The following GIMAP6 variants were observed in gnomAD, a reference collection of about 807,000 sequenced individuals.
The protein encoded by GIMAP6 is GTPase, IMAP family member 6, also known as GTPase IMAP family member 6.
In GIMAP6, 6 loss-of-function variants were observed where a neutral mutation model predicts 9.3. The ratio of observed to expected loss-of-function variants is 0.65; its 90% CI spans 0.35 to 1.27. The LOEUF is 1.27. GIMAP6 is among the 50% of genes most tolerant of loss of function. The probability of loss-of-function intolerance (pLI) is 0.03; values close to 1 mark genes in which losing one functional copy is unlikely to be tolerated. For missense variants in GIMAP6, 333 were observed against 359.5 expected (o/e 0.93, Z 0.60); for synonymous variants, 156 against 151.1 (o/e 1.03, Z -0.24).
intron 1 of GIMAP6, among the ~76,000 whole-genome samples, chr7:150,631,574 C>G (rs1796392268): frequency 6.6e-6 from 1 of 152,192 alleles, no homozygotes; most frequent in African/African-American, 2.4e-5. Flanking sequence ...GAAACAACAG[C>G]CGGGTGGGAC....
rs11974345 is a variant in GIMAP6 at position 150,628,089 on chromosome 7, C to T, written c.509G>A (p.Gly170Asp). ...LVFTRKEDLAGGSLEDYVRET... is the reference protein window; with the variant it reads ...LVFTRKEDLADGSLEDYVRET... ...TCGCACATAGTCTTCCAGGGAGCCG[C>T]CAGCCAGGTCTTCCTTCCGGGTGAA... Residue 170 changes from glycine (G) to aspartate (D), a missense_variant, in exon 3 of 3, where the codon GGC becomes GAC. By Grantham distance (94) the Gly-to-Asp change is moderately conservative (BLOSUM62 -1). Coordinates refer to ENST00000328902, the MANE Select transcript of GIMAP6 (RefSeq NM_024711.6). 5.8e-3 allele frequency: 9,410 copies of T among 1,614,160 alleles called. 505 individuals are homozygous for T. The African/African-American group carries it at 0.11, about 19-fold the overall frequency.
chr7:150,628,554 C>T (rs748872807), intron 2 of GIMAP6, 42 bp from the exon 3 acceptor site: 2 of 1,604,496 alleles, frequency 1.2e-6, no homozygotes, highest in African/African-American at 1.3e-5. Flanking sequence ...GGGGTAAGGG[C>T]CCATGTACCC....
rs1585183956 is a variant in GIMAP6, at chr7:150,630,290, A to G, written c.1-148T>C. On this transcript the variant is annotated intron_variant, in intron 1 of 2. Transcript: ENST00000328902. Reference sequence around the variant, plus strand: ...GGGGTGGGACTGAGTGAGGCAATGGAAGAAGGGGTCTAAGACACTCTCTGC... The same window carrying G: ...GGGGTGGGACTGAGTGAGGCAATGGGAGAAGGGGTCTAAGACACTCTCTGC... 3.5e-6 allele frequency: 2 copies of G among 573,472 alleles called. 1 individual carries two copies. Among genetic ancestry groups the G allele is most frequent in the East Asian group, 6.5e-5 (2 of 30,830 alleles). 35.5% of individuals were successfully genotyped at this position (573,472 alleles called of 1,614,324 possible). A position where few individuals can be genotyped will look rare whatever the true frequency, so the allele number is the denominator to read the frequency against.
chr7:150,629,148 C>G (rs1042364432), intron 2 of GIMAP6, among the ~76,000 whole-genome samples: 4 of 152,242 alleles, frequency 2.6e-5, no homozygotes, highest in African/African-American at 9.6e-5. Flanking sequence ...CCCCACCCAC[C>G]TAGCCCAGTG....
chr7:150,631,177 T>C (rs1443419872), intron 1 of GIMAP6, among the ~76,000 whole-genome samples: 2 of 152,194 alleles, frequency 1.3e-5, no homozygotes, highest in Non-Finnish European at 2.9e-5. Context: ...ATTGCCACAT[T>C]GTTAGATGTT....
At chr7:150,628,956 T>C (rs1243875812) in intron 2 of GIMAP6, among the ~76,000 whole-genome samples, 2 of 152,236 alleles carry the variant, frequency 1.3e-5, no homozygotes, top group South Asian at 2.1e-4. Context: ...TGTGGCAGCA[T>C]GGGCGTGGCC....
chr7:150,631,110 G>A (rs1796385041), intron 1 of GIMAP6, among the ~76,000 whole-genome samples: 1 of 152,210 alleles, frequency 6.6e-6, no homozygotes. Flanking sequence ...TCCAGATGAA[G>A]GGTCTGGGGT....
chr7:150,628,222 C>T lies in GIMAP6; in HGVS notation c.376G>A (p.Val126Met), dbSNP rs138521615. 1,666 of 1,613,984 alleles carry T rather than the reference C, an allele frequency of 1.0e-3. 3 individuals are homozygous for T. The highest frequency in any genetic ancestry group is 1.3e-3 in the Non-Finnish European group (1,567 of 1,179,986). The change falls in exon 3 of 3, where the codon GTG becomes ATG. Residue 126 changes from valine (V) to methionine (M), a missense_variant. Val to Met is a conservative substitution (Grantham distance 21). Coordinates refer to ENST00000328902, the MANE Select transcript of GIMAP6 (RefSeq NM_024711.6). ...IVLSAPGPHA[V>M]LLVTQLGRFT... is the part of the protein sequence containing the mutation. ...CGGCCCAGTTGTGTCACCAGGAGCACGGCGTGGGGCCCTGGGGCGGATAAG... is the reference window on the plus strand; with the variant it reads ...CGGCCCAGTTGTGTCACCAGGAGCATGGCGTGGGGCCCTGGGGCGGATAAG...
rs1386588539 is a variant in GIMAP6 at position 150,627,344 on chromosome 7, A to G, written c.*375T>C. 2 of 297,888 alleles carry G rather than the reference A, an allele frequency of 6.7e-6. No individual in the cohort carries two copies. Among genetic ancestry groups the G allele is most frequent in the Non-Finnish European group, 1.3e-5 (2 of 154,708 alleles). The allele number at this position is 297,888 out of a possible 1,614,324, so 18.5% of individuals were successfully genotyped here. A position where few individuals can be genotyped will look rare whatever the true frequency, so the allele number is the denominator to read the frequency against. On this transcript the variant is annotated 3_prime_UTR_variant, in exon 3 of 3. Transcript: ENST00000328902. ...CACCAAACGTGACTGCATGACTCCAATGCAGTCAAAAGCTGTGGAAGTTAC... is the reference window on the plus strand; with the variant it reads ...CACCAAACGTGACTGCATGACTCCAGTGCAGTCAAAAGCTGTGGAAGTTAC...
chr7:150,627,626 G>A lies in GIMAP6; in HGVS notation c.*93C>T, dbSNP rs569310195. On this transcript the variant is annotated 3_prime_UTR_variant, in exon 3 of 3. Coordinates refer to ENST00000328902, the MANE Select transcript of GIMAP6 (RefSeq NM_024711.6). Reference sequence around the variant, plus strand: ...ACCAGACGTCATGACCTGGAGACTGGGAAGCACTCCATGGGATGGAAAGAG... The same window carrying A: ...ACCAGACGTCATGACCTGGAGACTGAGAAGCACTCCATGGGATGGAAAGAG... The A allele has an allele frequency of 1.0e-3, 1,546 of 1,509,010 alleles. 1 individual carries two copies. Among genetic ancestry groups the A allele is most frequent in the Non-Finnish European group, 1.4e-3 (1,475 of 1,088,950 alleles). The allele number at this position is 1,509,010 out of a possible 1,614,324, so 93.5% of individuals were successfully genotyped here. A position where few individuals can be genotyped will look rare whatever the true frequency, so the allele number is the denominator to read the frequency against.
In GIMAP6 at chr7:150,628,347, C is replaced by G. The variant is rs376322381; in HGVS notation, c.251G>C (p.Arg84Pro). The G allele has an allele frequency of 3.7e-6, 6 of 1,613,918 alleles. No homozygotes were observed. The Admixed American group carries it at 5.0e-5, about 13-fold the overall frequency. ...CTCAAGCTCCTTCCCAGCCCACTCT[C>G]GGCTCCGTCTCTGGGAGGTCTTGGT... The part of the protein sequence containing the change: ...PVTKTSQRRS[R>P]EWAGKELEVI... Residue 84 changes from arginine (R) to proline (P), a missense_variant, in exon 3 of 3, where the codon CGA becomes CCA. Arg to Pro is a moderately radical substitution (Grantham distance 103). Transcript: ENST00000328902.
intron 2 of GIMAP6, chr7:150,628,838 TC>T: frequency 1.0e-6 from 1 of 1,001,284 alleles, no homozygotes. Flanking sequence ...GCCTTGCGGG[TC>T]CCAAGACCCA....
rs115125549 is a variant in GIMAP6, at chr7:150,627,226, G to A, written c.*493C>T. On this transcript the variant is annotated 3_prime_UTR_variant, in exon 3 of 3. Transcript: ENST00000328902. ...CCCCATGTCTCAGCACCACTGCCAT[G>A]TTCCAGCCACCAGACACAACAGGCA... 3.5e-3 allele frequency: 642 copies of A among 181,888 alleles called. 7 individuals carry two copies. The highest frequency in any genetic ancestry group is 0.014 in the African/African-American group (597 of 41,972). The allele number at this position is 181,888 out of a possible 1,614,324, so 11.3% of individuals were successfully genotyped here.
intron 1 of GIMAP6, among the ~76,000 whole-genome samples, 176 bp downstream of exon 1, chr7:150,631,993 T>C (rs1303920570): frequency 6.6e-6 from 1 of 150,924 alleles, no homozygotes; most frequent in Non-Finnish European, 1.5e-5. Context: ...CAAACACAAA[T>C]ATACATACAC....
At position 150,628,129 on chromosome 7, in the gene GIMAP6, G is replaced by C; in HGVS notation, c.469C>G (p.His157Asp). The change falls in exon 3 of 3, where the codon CAC becomes GAC. Residue 157 changes from histidine to aspartate, a missense_variant. His to Asp is a moderately conservative substitution (Grantham distance 81). Coordinates refer to ENST00000328902, the MANE Select transcript of GIMAP6 (RefSeq NM_024711.6). ...QEVFGVGVLG[H>D]TILVFTRKED... ...TTCCGGGTGAACACCAGGATGGTGTGACCCAGAACCCCCACTCCAAAGACC... is the reference window on the plus strand; with the variant it reads ...TTCCGGGTGAACACCAGGATGGTGTCACCCAGAACCCCCACTCCAAAGACC... 1 of 1,614,104 alleles carries C rather than the reference G, an allele frequency of 6.2e-7. No individual in the cohort carries two copies. The highest frequency in any genetic ancestry group is 2.2e-5 in the East Asian group (1 of 44,868).
At chr7:150,629,407 T>TATTTA (rs1796354737) in intron 2 of GIMAP6, among the ~76,000 whole-genome samples, 1 of 152,212 alleles carries the variant, frequency 6.6e-6, no homozygotes, top group Non-Finnish European at 1.5e-5. Context: ...AAAAGGTCAT[T>TATTTA]CATATTAAAA....
At position 150,627,689 on chromosome 7, in the gene GIMAP6, T is replaced by C. The variant is rs771709126; in HGVS notation, c.*30A>G. Reference sequence around the variant, plus strand: ...GGACACAGGGGGGTGCAAAGGCTGATGGTGTCCTTGGCTCAAGTCCAGCAC... The same window carrying C: ...GGACACAGGGGGGTGCAAAGGCTGACGGTGTCCTTGGCTCAAGTCCAGCAC... On this transcript the variant is annotated 3_prime_UTR_variant, in exon 3 of 3. Coordinates refer to ENST00000328902, the MANE Select transcript of GIMAP6 (RefSeq NM_024711.6). The C allele has an allele frequency of 3.1e-6, 5 of 1,612,082 alleles. No individual in the cohort carries two copies. The highest frequency in any genetic ancestry group is 4.2e-6 in the Non-Finnish European group (5 of 1,178,954).
At chr7:150,629,277 T>C (rs1239681048) in intron 2 of GIMAP6, among the ~76,000 whole-genome samples, 1 of 152,260 alleles carries the variant, frequency 6.6e-6, no homozygotes, top group Non-Finnish European at 1.5e-5. Flanking sequence ...AAAGAATAGC[T>C]AACCTTGATT....
chr7:150,625,769 A>G lies in GIMAP6; in HGVS notation c.*1950T>C, dbSNP rs1796281964. 1 of 152,224 alleles carries G rather than the reference A, an allele frequency of 6.6e-6. No individual in the cohort carries two copies. The highest frequency in any genetic ancestry group is 6.5e-5 in the Admixed American group (1 of 15,284). 9.4% of individuals were successfully genotyped at this position (152,224 alleles called of 1,614,324 possible). ...TAGAAGAAAAAAATGCCTGAGAATA[A>G]CAAGGTAAATATAAAAATGAAGACT... On this transcript the variant is annotated 3_prime_UTR_variant, in exon 3 of 3. Coordinates refer to ENST00000328902, the MANE Select transcript of GIMAP6 (RefSeq NM_024711.6).
Sources: allele counts gnomAD v4.1 joint callset (sites outside exome capture counted in the v4.1 genomes callset), GRCh38; gene constraint gnomAD v4.1.1; transcripts MANE v1.5; gene names NCBI Gene and HGNC (gene_info 2026-07-23, HGNC 2026-07-21).